SAMD4A: variants seen among roughly 807,000 people sequenced by gnomAD.
SAMD4A encodes the protein protein Smaug homolog 1.
In SAMD4A, 33 loss-of-function variants were observed where a neutral mutation model predicts 81.3. The observed-to-expected ratio is 0.41, with a 90% CI of 0.31 to 0.54. SAMD4A has a LOEUF of 0.54. Ranked by LOEUF, SAMD4A falls within the 20% of genes least tolerant of loss-of-function variation. SAMD4A has a pLI of 0.37. For synonymous variants in SAMD4A, 389 were observed against 382.1 expected, an observed-to-expected ratio of 1.02 and a Z score of -0.21; for missense variants, 854 against 951.1, an observed-to-expected ratio of 0.90 and a Z score of 1.34.
intron 2 of SAMD4A, among the ~76,000 whole-genome samples, chr14:54,578,661 G>A (rs10134567): frequency 0.043 from 6,493 of 152,088 alleles, 469 homozygotes; most frequent in African/African-American, 0.15. Flanking sequence ...GCAGTAAGCC[G>A]AGATCGCACC....
chr14:54,651,752 G>T (rs1475365053), intron 2 of SAMD4A, among the ~76,000 whole-genome samples: 1 of 152,178 alleles, frequency 6.6e-6, no homozygotes, highest in African/African-American at 2.4e-5. Context: ...AAGTAGTGAT[G>T]TATTCATCAT....
chr14:54,757,383 T>G (rs894468771), intron 6 of SAMD4A, among the ~76,000 whole-genome samples: 3 of 140,158 alleles, frequency 2.1e-5, no homozygotes, highest in East Asian at 2.1e-4. Flanking sequence ...GTTTCTTTAT[T>G]TGTGTGTGTG....
intron 2 of SAMD4A, among the ~76,000 whole-genome samples, chr14:54,691,995 T>G (rs940298974): frequency 4.6e-5 from 7 of 152,252 alleles, no homozygotes; most frequent in African/African-American, 1.7e-4. Flanking sequence ...TCAACATTGC[T>G]AACATGCATA....
chr14:54,626,265 C>G (rs1594749642), intron 2 of SAMD4A, among the ~76,000 whole-genome samples: 1 of 152,132 alleles, frequency 6.6e-6, no homozygotes, highest in Non-Finnish European at 1.5e-5. Context: ...CAGAATTTCA[C>G]TTTCCACAGG....
chr14:54,695,966 A>G (rs2036566456), intron 2 of SAMD4A, among the ~76,000 whole-genome samples: 1 of 150,292 alleles, frequency 6.7e-6, no homozygotes, highest in Admixed American at 6.6e-5. Flanking sequence ...AAAAAAAAAA[A>G]AAAAAAAGAA....
intron 2 of SAMD4A, among the ~76,000 whole-genome samples, chr14:54,699,416 C>A (rs990587387): frequency 6.6e-6 from 1 of 152,136 alleles, no homozygotes; most frequent in African/African-American, 2.4e-5. Flanking sequence ...CTCCTGCCAG[C>A]CTTCCCCATC....
At chr14:54,757,383 T>TTGTGTGTGTG (rs3051653) in intron 6 of SAMD4A, among the ~76,000 whole-genome samples, 2,030 of 140,082 alleles carry the variant, frequency 0.014, 51 homozygotes, top group African/African-American at 0.043. Context: ...GTTTCTTTAT[T>TTGTGTGTGTG]TGTGTGTGTG....
intron 5 of SAMD4A, 101 bp downstream of exon 5, chr14:54,749,025 A>G: frequency 1.3e-6 from 1 of 773,242 alleles, no homozygotes. Context: ...ATGCCCACAC[A>G]GTAGCTTGCC....
chr14:54,613,479 G>A (rs771437595), intron 2 of SAMD4A, among the ~76,000 whole-genome samples: 2 of 152,118 alleles, frequency 1.3e-5, no homozygotes, highest in African/African-American at 4.8e-5. Context: ...TTCACCCAAG[G>A]GTTCTCACCT....
chr14:54,590,528 T>C (rs2033746372), intron 2 of SAMD4A, among the ~76,000 whole-genome samples: 1 of 152,194 alleles, frequency 6.6e-6, no homozygotes, highest in South Asian at 2.1e-4. Flanking sequence ...GCCTAGGTTA[T>C]AAAAGGTGGG....
intron 2 of SAMD4A, among the ~76,000 whole-genome samples, chr14:54,629,206 A>G (rs1362765013): frequency 6.6e-6 from 1 of 152,206 alleles, no homozygotes; most frequent in Admixed American, 6.5e-5. Flanking sequence ...CAAGCCAAGC[A>G]ATGCCCAGGA....
chr14:54,600,574 A>G (rs2034026544), intron 2 of SAMD4A, among the ~76,000 whole-genome samples: 1 of 152,176 alleles, frequency 6.6e-6, no homozygotes, highest in African/African-American at 2.4e-5. Context: ...CTAGACTAAA[A>G]TTGTTTTCTT....
intron 2 of SAMD4A, among the ~76,000 whole-genome samples, chr14:54,633,537 T>A (rs2034955079): frequency 6.6e-6 from 1 of 152,010 alleles, no homozygotes; most frequent in Non-Finnish European, 1.5e-5. Context: ...AGTTAGGAGC[T>A]AATGCCATGC....
intron 3 of SAMD4A, among the ~76,000 whole-genome samples, chr14:54,721,919 T>G (rs1042860821): frequency 6.6e-6 from 1 of 152,194 alleles, no homozygotes; most frequent in African/African-American, 2.4e-5. Flanking sequence ...ATGCCCAGTC[T>G]TTTTAAATGA....
chr14:54,777,906 T>C (rs553806334), intron 11 of SAMD4A, among the ~76,000 whole-genome samples: 1 of 152,364 alleles, frequency 6.6e-6, no homozygotes, highest in South Asian at 2.1e-4. Context: ...CTTAGCTATT[T>C]TTCTTCCTGG....
intron 8 of SAMD4A, among the ~76,000 whole-genome samples, chr14:54,767,232 A>T (rs1383676989): frequency 6.6e-6 from 1 of 152,210 alleles, no homozygotes; most frequent in Non-Finnish European, 1.5e-5. Context: ...GTGAAGGCGC[A>T]CAGCCTCCAT....
In SAMD4A at chr14:54,596,005, T is replaced by C. The variant is rs543985031; in HGVS notation, c.196+27893T>C. On this transcript the variant is annotated intron_variant, in intron 2 of 12. Coordinates refer to ENST00000554335, the MANE Select transcript of SAMD4A (RefSeq NM_015589.6). ...AAAAATAGAATTGAAGTGGCCTCAC[T>C]AGTGGATCTCTTCCTCTGTGGAATT... Among the ~76,000 whole-genome samples the C allele has an allele frequency of 2.6e-5, 4 of 152,314 alleles. No individual in the cohort carries two copies. The East Asian group carries it at 7.7e-4, about 29-fold the overall frequency.
intron 11 of SAMD4A, 128 bp downstream of exon 11, chr14:54,776,668 T>G: frequency 8.5e-7 from 1 of 1,169,910 alleles, no homozygotes; most frequent in Non-Finnish European, 1.1e-6. Flanking sequence ...TAGAAGCCTT[T>G]CCTTTTTTAA....
intron 2 of SAMD4A, among the ~76,000 whole-genome samples, chr14:54,637,278 T>C (rs1444683059): frequency 1.3e-5 from 2 of 149,496 alleles, no homozygotes; most frequent in Non-Finnish European, 3.0e-5. Flanking sequence ...CGCAGGAGGA[T>C]TGCTTGAACC....
Sources: allele counts gnomAD v4.1 joint callset (sites outside exome capture counted in the v4.1 genomes callset), GRCh38; gene constraint gnomAD v4.1.1; transcripts MANE v1.5; gene names NCBI Gene and HGNC (gene_info 2026-07-23, HGNC 2026-07-21).